Variants in PDE4D observed in about 807,000 individuals in gnomAD.
The protein encoded by PDE4D is phosphodiesterase 4D, also known as 3',5'-cyclic-AMP phosphodiesterase 4D.
In PDE4D, 24 loss-of-function variants were observed where a neutral mutation model predicts 87.4. The ratio of observed to expected loss-of-function variants is 0.27; its 90% CI spans 0.20 to 0.39. The LOEUF is 0.39. Among genes scored for constraint, PDE4D ranks in the 10% least tolerant of loss-of-function variants. The probability of loss-of-function intolerance (pLI) is 1.00; values close to 1 mark genes in which losing one functional copy is unlikely to be tolerated. For synonymous variants in PDE4D, 384 were observed against 383.2 expected (o/e 1.00, Z -0.02); for missense variants, 714 against 1,041.0 (o/e 0.69, Z 4.32).
At chr5:59,099,519 G>A (rs1345551545) in intron 5 of PDE4D, among the ~76,000 whole-genome samples, 1 of 152,162 alleles carries the variant, frequency 6.6e-6, no homozygotes, top group Non-Finnish European at 1.5e-5. Context: ...ATGTTTACAT[G>A]GCCACTAAAT....
chr5:60,186,824 A>G (rs969674327), intron 1 of PDE4D, among the ~76,000 whole-genome samples: 49 of 152,314 alleles, frequency 3.2e-4, no homozygotes, highest in Admixed American at 1.2e-3. Context: ...AAGATAAAAA[A>G]CAAAGTAACT....
At chr5:60,272,851 A>G (rs1750956260) in intron 1 of PDE4D, among the ~76,000 whole-genome samples, 1 of 152,218 alleles carries the variant, frequency 6.6e-6, no homozygotes, top group South Asian at 2.1e-4. Context: ...TTTTAGGTAT[A>G]CTTTTTCTAA....
At chr5:59,643,212 G>C (rs1245827055) in intron 1 of PDE4D, among the ~76,000 whole-genome samples, 1 of 152,150 alleles carries the variant, frequency 6.6e-6, no homozygotes, top group Non-Finnish European at 1.5e-5. Flanking sequence ...CCAGCATAAG[G>C]AGGAGGGATC....
chr5:60,485,432 C>T (rs1203048068), intron 1 of PDE4D, among the ~76,000 whole-genome samples: 2 of 150,212 alleles, frequency 1.3e-5, no homozygotes, highest in Non-Finnish European at 1.5e-5. Flanking sequence ...GTAATTCAAT[C>T]AAAAAATTAT....
At chr5:59,356,659 A>T (rs1781421077) in intron 1 of PDE4D, 2 of 882,490 alleles carry the variant, frequency 2.3e-6, no homozygotes, top group Non-Finnish European at 3.3e-6. Context: ...TTTAACAAGC[A>T]TTAGGAGTTA....
intron 2 of PDE4D, among the ~76,000 whole-genome samples, chr5:60,173,825 A>G (rs1476493455): frequency 6.6e-6 from 1 of 152,076 alleles, no homozygotes; most frequent in Non-Finnish European, 1.5e-5. Context: ...TCCCCAGGGC[A>G]TTGGTGGAAA....
In PDE4D at chr5:60,209,965, C is replaced by A. The variant is rs149267504; in HGVS notation, c.-89-24278G>T. 1.7e-4 allele frequency among the ~76,000 whole-genome samples: 26 copies of A among 152,170 alleles called. No homozygotes were observed. The East Asian group carries it at 4.4e-3, about 26-fold the overall frequency. On this transcript the variant is annotated intron_variant, in intron 1 of 16. Transcript: ENST00000502484. ...TTAAGTAATTACTTTTCTATTTATG[C>A]AGCTATAAGGCAAAATACATTGAAA...
intron 1 of PDE4D, among the ~76,000 whole-genome samples, chr5:59,536,046 T>C (rs291122): frequency 0.32 from 48,049 of 151,982 alleles, 8,075 homozygotes; most frequent in Middle Eastern, 0.36. Context: ...AAGAATAGTG[T>C]CTGAAATTTA....
At position 60,096,468 on chromosome 5, in the gene PDE4D, C is replaced by T. The variant is rs114496769; in HGVS notation, c.42+89089G>A. ...TCACAGATGGAATCTCCAAATTATG[C>T]GTTTTCTTTCAAAAAGAGAAAGCAA... is the stretch of plus-strand genomic sequence containing the variant. On this transcript the variant is annotated intron_variant, in intron 2 of 16. Transcript: ENST00000502484. Among the ~76,000 whole-genome samples the T allele has an allele frequency of 3.4e-3, 519 of 152,052 alleles. 4 individuals are homozygous for T. Among genetic ancestry groups the T allele is most frequent in the Non-Finnish European group, 5.7e-3 (389 of 67,930 alleles).
intron 1 of PDE4D, among the ~76,000 whole-genome samples, chr5:60,437,608 T>C (rs1445557034): frequency 1.3e-5 from 2 of 152,118 alleles, no homozygotes; most frequent in Non-Finnish European, 2.9e-5. Flanking sequence ...CCTTGAATAG[T>C]CTTAATACAC....
At chr5:60,184,150 C>T (rs998360710) in intron 2 of PDE4D, among the ~76,000 whole-genome samples, 13 of 152,242 alleles carry the variant, frequency 8.5e-5, no homozygotes, top group African/African-American at 2.6e-4. Context: ...AGTCACCGCT[C>T]AGTTAATCAT....
chr5:60,517,130 C>T (rs7719584), intron 1 of PDE4D, among the ~76,000 whole-genome samples: 15,509 of 152,304 alleles, frequency 0.1, 2,284 homozygotes, highest in African/African-American at 0.33. Context: ...GGCACTGTCA[C>T]GACCCAGCTG....
chr5:60,177,299 G>T (rs1783998370), intron 2 of PDE4D, among the ~76,000 whole-genome samples: 1 of 152,056 alleles, frequency 6.6e-6, no homozygotes, highest in African/African-American at 2.4e-5. Context: ...CTGGTCGCTG[G>T]TCAAAGCTGC....
intron 1 of PDE4D, among the ~76,000 whole-genome samples, chr5:59,810,951 C>G (rs1768286103): frequency 6.6e-6 from 1 of 152,058 alleles, no homozygotes; most frequent in African/African-American, 2.4e-5. Flanking sequence ...GGCTTCTTTT[C>G]CCAAATGCAG....
At chr5:59,577,080 G>A (rs540939644) in intron 1 of PDE4D, among the ~76,000 whole-genome samples, 1 of 152,158 alleles carries the variant, frequency 6.6e-6, no homozygotes, top group South Asian at 2.1e-4. Flanking sequence ...TCTTAAGATT[G>A]AGGACTTCAT....
intron 6 of PDE4D, among the ~76,000 whole-genome samples, chr5:59,034,095 AT>A (rs1294192209): frequency 6.6e-6 from 1 of 152,122 alleles, no homozygotes; most frequent in Non-Finnish European, 1.5e-5. Context: ...CAAAGAAAGT[AT>A]TTTTTCTAAC....
At chr5:59,366,382 G>A (rs1783058998) in intron 1 of PDE4D, among the ~76,000 whole-genome samples, 1 of 152,060 alleles carries the variant, frequency 6.6e-6, no homozygotes, top group African/African-American at 2.4e-5. Context: ...AATAAATTCA[G>A]GATAAAAAGT....
chr5:60,436,153 G>C (rs917903202), intron 1 of PDE4D, among the ~76,000 whole-genome samples: 2 of 151,992 alleles, frequency 1.3e-5, no homozygotes, highest in African/African-American at 4.8e-5. Context: ...TTGTGAATTA[G>C]TTTTCTGGTT....
intron 1 of PDE4D, among the ~76,000 whole-genome samples, chr5:59,828,623 A>T (rs1770607931): frequency 6.6e-6 from 1 of 152,004 alleles, no homozygotes; most frequent in African/African-American, 2.4e-5. Flanking sequence ...CTGCTTATGA[A>T]GCTGGGGGAG....
Sources: gnomAD v4.1 joint callset for allele counts (sites outside exome capture counted in the v4.1 genomes callset) on GRCh38, gnomAD v4.1.1 for gene constraint, MANE v1.5 for transcripts, NCBI Gene and HGNC (gene_info 2026-07-23, HGNC 2026-07-21) for gene names.